Variants in PRDM2 observed in about 807,000 individuals in gnomAD.
PRDM2 encodes PR/SET domain 2, also known as PR domain zinc finger protein 2.
In PRDM2, 30 loss-of-function variants were observed where a neutral mutation model predicts 130.0. The ratio of observed to expected loss-of-function variants is 0.23; its 90% CI spans 0.17 to 0.31. PRDM2 has a LOEUF of 0.31. Ranked by LOEUF, PRDM2 falls within the 10% of genes least tolerant of loss-of-function variation. The probability of loss-of-function intolerance (pLI) is 1.00; values close to 1 mark genes in which losing one functional copy is unlikely to be tolerated. For synonymous variants in PRDM2, 871 were observed against 782.4 expected, an observed-to-expected ratio of 1.11 and a Z score of -1.89; for missense variants, 2,011 against 2,108.4, an observed-to-expected ratio of 0.95 and a Z score of 0.90.
At chr1:13,752,284 G>C (rs1643865923) in intron 6 of PRDM2, among the ~76,000 whole-genome samples, 1 of 152,236 alleles carries the variant, frequency 6.6e-6, no homozygotes, top group East Asian at 1.9e-4. Flanking sequence ...ATGGGCCAAA[G>C]ATGGATATAC....
intron 5 of PRDM2, among the ~76,000 whole-genome samples, chr1:13,744,949 A>G (rs938332638): frequency 6.6e-6 from 1 of 152,202 alleles, no homozygotes; most frequent in Non-Finnish European, 1.5e-5. Flanking sequence ...TTATACCCAG[A>G]TAATTGGGAA....
chr1:13,731,386 C>T (rs888102679), intron 3 of PRDM2, among the ~76,000 whole-genome samples: 1 of 152,186 alleles, frequency 6.6e-6, no homozygotes, highest in African/African-American at 2.4e-5. Context: ...GAGTGTCCTC[C>T]TCCTCTGAGT....
chr1:13,749,638 CG>C (rs1264744896), intron 6 of PRDM2, 151 bp downstream of exon 6: 1 of 331,710 alleles, frequency 3.0e-6, no homozygotes, highest in Non-Finnish European at 4.3e-6. Context: ...TTTCCGGACT[CG>C]GCCCTGCCCC....
At chr1:13,805,954 C>G (rs1158671694) in intron 8 of PRDM2, among the ~76,000 whole-genome samples, 4 of 152,132 alleles carry the variant, frequency 2.6e-5, no homozygotes, top group African/African-American at 2.4e-5. Flanking sequence ...ACTCCTTTCC[C>G]TCCACCCTTC....
At chr1:13,775,710 G>A (rs1371336420) in intron 7 of PRDM2, among the ~76,000 whole-genome samples, 1 of 152,140 alleles carries the variant, frequency 6.6e-6, no homozygotes, top group Non-Finnish European at 1.5e-5. Context: ...CAGTCCCCAT[G>A]TCCAGTAGCA....
rs752447306 is a variant in PRDM2, at chr1:13,781,033, G to A, written c.3238G>A (p.Ala1080Thr). The part of the protein sequence containing the change: ...SSSPSPPPLS[A>T]ISSVVSSGDN... ...TTCTCCTTCTCCACCTCCTCTCTCC[G>A]CAATATCATCTGTTGTTTCCTCTGG... The change falls in exon 8 of 10, where the codon GCA becomes ACA. Residue 1080 changes from alanine to threonine, a missense_variant. Physicochemically the swap from Ala to Thr is moderately conservative, Grantham distance 58 (BLOSUM62 0). Transcript: ENST00000311066. The surrounding 1 kb of genome is among the most constrained non-coding windows in gnomAD (Gnocchi z 6.1). The A allele has an allele frequency of 3.7e-6, 6 of 1,608,732 alleles. No individual in the cohort carries two copies. The highest frequency in any genetic ancestry group is 4.3e-6 in the Non-Finnish European group (5 of 1,175,758).
intron 8 of PRDM2, among the ~76,000 whole-genome samples, chr1:13,785,994 A>G (rs977809082): frequency 1.3e-5 from 2 of 151,660 alleles, no homozygotes; most frequent in Non-Finnish European, 2.9e-5. Flanking sequence ...GCCCGCCACC[A>G]TGCCCGGCTA....
intron 5 of PRDM2, among the ~76,000 whole-genome samples, chr1:13,746,076 T>TGGTA: frequency 6.6e-6 from 1 of 152,190 alleles, no homozygotes; most frequent in Non-Finnish European, 1.5e-5. Context: ...TGGTAAAATT[T>TGGTA]CAAGTTTTAT....
intron 8 of PRDM2, among the ~76,000 whole-genome samples, chr1:13,791,419 C>A (rs2100706026): frequency 6.6e-6 from 1 of 152,284 alleles, no homozygotes; most frequent in African/African-American, 2.4e-5. Flanking sequence ...TAACAGAAGC[C>A]AAGCTCATTA....
At chr1:13,707,174 T>G (rs2495059) in intron 1 of PRDM2, among the ~76,000 whole-genome samples, 9,433 of 152,234 alleles carry the variant, frequency 0.062, 605 homozygotes, top group African/African-American at 0.16. Context: ...TGAAAAGAGC[T>G]TCGAGCAGCT....
At chr1:13,773,268 C>T (rs10803426) in intron 7 of PRDM2, 80 bp downstream of exon 7, 274,142 of 804,764 alleles carry the variant, frequency 0.34, 48,555 homozygotes, top group Admixed American at 0.5. Flanking sequence ...TTTATATTGT[C>T]CTTCTGAGAA....
chr1:13,752,801 T>C (rs1357979684), intron 6 of PRDM2, among the ~76,000 whole-genome samples: 1 of 152,200 alleles, frequency 6.6e-6, no homozygotes, highest in Non-Finnish European at 1.5e-5. Flanking sequence ...GTGTGCGATC[T>C]TGGACAGCTC....
In PRDM2 at chr1:13,780,340, G is replaced by A. The variant is rs1479075724; in HGVS notation, c.2545G>A (p.Asp849Asn). The change falls in exon 8 of 10, where the codon GAT (aspartate) becomes AAT (asparagine). Residue 849 changes from aspartate (D) to asparagine (N), a missense_variant. Asp to Asn is a conservative substitution (Grantham distance 23). Around this residue, in one of 5 missense-constraint regions of PRDM2, gnomAD observed 1,288 missense variants for 1,237.7 expected, o/e 1.04. Coordinates refer to ENST00000311066, the MANE Select transcript of PRDM2 (RefSeq NM_001393986.1). ...KTPVQWESVL[D>N]LSVHKKHCSD... The stretch of plus-strand genomic sequence containing the variant: ...TCCAGTCCAGTGGGAATCTGTCTTA[G>A]ATCTCAGTGTGCATAAAAAGCATTG... The A allele has an allele frequency of 6.2e-7, 1 of 1,614,082 alleles. No homozygotes were observed. The highest frequency in any genetic ancestry group is 8.5e-7 in the Non-Finnish European group (1 of 1,180,056).
chr1:13,737,271 GA>G (rs1255778843), intron 4 of PRDM2, among the ~76,000 whole-genome samples: 1 of 152,162 alleles, frequency 6.6e-6, no homozygotes, highest in African/African-American at 2.4e-5. Context: ...TAAAGGGTTG[GA>G]AAAATAAAAA....
intron 8 of PRDM2, among the ~76,000 whole-genome samples, chr1:13,813,074 C>T (rs1178637313): frequency 1.3e-5 from 2 of 152,304 alleles, no homozygotes; most frequent in Non-Finnish European, 2.9e-5. Context: ...GTCCACCAAC[C>T]GCAACTGCTG....
intron 8 of PRDM2, among the ~76,000 whole-genome samples, chr1:13,812,053 C>A (rs527573543): frequency 6.7e-4 from 102 of 152,248 alleles, no homozygotes; most frequent in African/African-American, 2.4e-3. Flanking sequence ...AAGGCTTGGG[C>A]CACTTTTGCA....
intron 6 of PRDM2, among the ~76,000 whole-genome samples, chr1:13,768,418 C>T (rs1644283971): frequency 7.1e-6 from 1 of 141,718 alleles, no homozygotes; most frequent in African/African-American, 2.7e-5. Flanking sequence ...TTGCCCTTGT[C>T]ATTCAGGCTG....
chr1:13,797,489 A>G (rs1343419372), intron 8 of PRDM2, among the ~76,000 whole-genome samples: 1 of 152,254 alleles, frequency 6.6e-6, no homozygotes, highest in African/African-American at 2.4e-5. Flanking sequence ...ATATCCTTTG[A>G]AAGCATTTTT....
intron 9 of PRDM2, among the ~76,000 whole-genome samples, chr1:13,821,613 C>T (rs1275625855): frequency 2.0e-5 from 3 of 152,014 alleles, no homozygotes; most frequent in Non-Finnish European, 4.4e-5. Flanking sequence ...AGGCACCCAC[C>T]ATCACTAATG....
Sources: allele counts gnomAD v4.1 joint callset (sites outside exome capture counted in the v4.1 genomes callset), GRCh38; gene constraint gnomAD v4.1.1; regional missense constraint gnomAD v4.1.1; non-coding constraint Gnocchi (gnomAD v3.1); transcripts MANE v1.5; gene names NCBI Gene and HGNC (gene_info 2026-07-23, HGNC 2026-07-21).